Variants in SIPA1L1 observed in about 807,000 individuals in gnomAD.
SIPA1L1 encodes signal-induced proliferation-associated 1-like protein 1.
SIPA1L1 carries 26 observed loss-of-function variants against 162.7 expected under a neutral mutation model. The ratio of observed to expected loss-of-function variants is 0.16; its 90% CI spans 0.12 to 0.22. SIPA1L1 has a LOEUF of 0.22. Ranked by LOEUF, SIPA1L1 falls within the 10% of genes least tolerant of loss-of-function variation. The probability of loss-of-function intolerance (pLI) is 1.00; values close to 1 mark genes in which losing one functional copy is unlikely to be tolerated. For synonymous variants in SIPA1L1, 829 were observed against 837.4 expected (o/e 0.99, Z 0.17); for missense variants, 1,874 against 2,241.0 (o/e 0.84, Z 3.31).
intron 4 of SIPA1L1, among the ~76,000 whole-genome samples, chr14:71,544,023 G>C (rs556708018): frequency 2.8e-5 from 4 of 143,118 alleles, no homozygotes; most frequent in African/African-American, 1.0e-4. Flanking sequence ...ATACACATAC[G>C]CACATGTATG....
intron 2 of SIPA1L1, among the ~76,000 whole-genome samples, chr14:71,500,446 T>TATACTGGTATTCTTACTGG (rs2050117391): frequency 6.6e-6 from 1 of 152,208 alleles, no homozygotes; most frequent in African/African-American, 2.4e-5. Context: ...AGTTGTATTA[T>TATACTGGTATTCTTACTGG]TATATTCTTA....
rs58225838 is a variant in SIPA1L1, at chr14:71,495,903, AAAAAAAAAAAG to A, written c.-464-16837_-464-16827del. Among the ~76,000 whole-genome samples, 94 of 147,016 alleles carry A rather than the reference AAAAAAAAAAAG, an allele frequency of 6.4e-4. 1 individual carries two copies. Among genetic ancestry groups the A allele is most frequent in the African/African-American group, 2.0e-3 (81 of 40,808 alleles). On this transcript the variant is annotated intron_variant, in intron 2 of 23. Transcript: ENST00000381232. ...CATCTCTACAAAAAAAAAAAAAAAA[AAAAAAAAAAAG>A]AAGAAGAAAGAAAAAAAGAATCAGT...
chr14:71,379,835 C>G (rs183587506), intron 2 of SIPA1L1, among the ~76,000 whole-genome samples: 210 of 152,320 alleles, frequency 1.4e-3, no homozygotes, highest in African/African-American at 4.8e-3. Flanking sequence ...AGACATTGAG[C>G]AGTATTTTAT....
intron 13 of SIPA1L1, among the ~76,000 whole-genome samples, chr14:71,689,935 C>T (rs1031178826): frequency 6.6e-6 from 1 of 152,184 alleles, no homozygotes; most frequent in Non-Finnish European, 1.5e-5. Flanking sequence ...GCATAATAGT[C>T]ACGTGACCAT....
intron 17 of SIPA1L1, among the ~76,000 whole-genome samples, chr14:71,723,128 G>A (rs866209341): frequency 3.3e-5 from 5 of 152,224 alleles, no homozygotes; most frequent in African/African-American, 1.2e-4. Context: ...AGAGCCAATA[G>A]GAATGCCAGC....
chr14:71,700,553 T>G (rs1238133928), intron 14 of SIPA1L1, among the ~76,000 whole-genome samples: 2 of 152,220 alleles, frequency 1.3e-5, no homozygotes, highest in Non-Finnish European at 2.9e-5. Context: ...AAATGACCAC[T>G]TTAACCAATT....
chr14:71,444,877 A>T (rs750099335), intron 2 of SIPA1L1, among the ~76,000 whole-genome samples: 3 of 152,204 alleles, frequency 2.0e-5, no homozygotes, highest in Non-Finnish European at 2.9e-5. Context: ...GCTCTTTGCC[A>T]CTAAAGCCTG....
chr14:71,362,188 T>C (rs1250915322), intron 2 of SIPA1L1, among the ~76,000 whole-genome samples: 1 of 152,216 alleles, frequency 6.6e-6, no homozygotes. Context: ...TTGCTGTTTT[T>C]TTAGAAATCA....
At chr14:71,613,980 T>TCAC (rs1172815118) in intron 5 of SIPA1L1, among the ~76,000 whole-genome samples, 1 of 151,978 alleles carries the variant, frequency 6.6e-6, no homozygotes, top group African/African-American at 2.4e-5. Context: ...GGTGGGAAGA[T>TCAC]CACCTGAGGT....
At chr14:71,593,055 A>G (rs1393091690) in intron 5 of SIPA1L1, among the ~76,000 whole-genome samples, 1 of 152,214 alleles carries the variant, frequency 6.6e-6, no homozygotes, top group African/African-American at 2.4e-5. Context: ...TTGGACATTA[A>G]GGTGGATCTG....
At chr14:71,523,820 A>C (rs988330150) in intron 3 of SIPA1L1, among the ~76,000 whole-genome samples, 1 of 152,086 alleles carries the variant, frequency 6.6e-6, no homozygotes, top group African/African-American at 2.4e-5. Context: ...TAATCCTTTA[A>C]ATTGTTCCAG....
intron 2 of SIPA1L1, among the ~76,000 whole-genome samples, chr14:71,428,409 A>G (rs1247243617): frequency 6.9e-6 from 1 of 145,682 alleles, no homozygotes. Flanking sequence ...TTTTATTTTT[A>G]TTTTTATTGT....
chr14:71,614,921 A>G (rs1481400712), intron 5 of SIPA1L1, among the ~76,000 whole-genome samples: 1 of 152,180 alleles, frequency 6.6e-6, no homozygotes, highest in Non-Finnish European at 1.5e-5. Context: ...TTTTTAGTTT[A>G]TAAATTTATA....
rs761389273 is a variant in SIPA1L1 at position 71,671,455 on chromosome 14, G to T, written c.2592G>T (p.Arg864=). Residue 864 remains arginine (R), a synonymous_variant, in exon 11 of 24, where the codon CGG becomes CGT. Coordinates refer to ENST00000381232, the MANE Select transcript of SIPA1L1 (RefSeq NM_001386936.1). ...SSMGAIVWAV[R]AEDYNKAMEL... ...TGGGGGCCATTGTATGGGCAGTCCG[G>T]GCTGAAGACTACAACAAGGCCATGG... 1.9e-6 allele frequency: 3 copies of T among 1,614,116 alleles called. No individual in the cohort carries two copies. Among genetic ancestry groups the T allele is most frequent in the East Asian group, 4.5e-5 (2 of 44,880 alleles).
chr14:71,531,611 C>T (rs931974292), intron 4 of SIPA1L1, among the ~76,000 whole-genome samples: 1 of 152,014 alleles, frequency 6.6e-6, no homozygotes, highest in African/African-American at 2.4e-5. Context: ...GTTGCCCAGG[C>T]GGGAGTACAG....
chr14:71,564,851 A>G (rs1462708768), intron 4 of SIPA1L1, among the ~76,000 whole-genome samples: 1 of 152,086 alleles, frequency 6.6e-6, no homozygotes, highest in Non-Finnish European at 1.5e-5. Context: ...CTGTCAACTT[A>G]ATAGTAAAAT....
At chr14:71,541,110 C>T (rs1490120641) in intron 4 of SIPA1L1, among the ~76,000 whole-genome samples, 1 of 151,584 alleles carries the variant, frequency 6.6e-6, no homozygotes, top group Non-Finnish European at 1.5e-5. Context: ...GAGCGAAACT[C>T]CATCTTTAAA....
At chr14:71,434,825 C>G (rs1307804895) in intron 2 of SIPA1L1, among the ~76,000 whole-genome samples, 1 of 152,204 alleles carries the variant, frequency 6.6e-6, no homozygotes, top group Admixed American at 6.5e-5. Flanking sequence ...AAGTGATCCT[C>G]CCACCTTGGC....
chr14:71,586,246 A>C (rs1322901917), intron 4 of SIPA1L1: 1 of 150,250 alleles, frequency 6.7e-6, no homozygotes, highest in Non-Finnish European at 1.5e-5. Context: ...TTTTTTTTGA[A>C]ACACCCCTAC....
Sources: allele counts gnomAD v4.1 joint callset (sites outside exome capture counted in the v4.1 genomes callset), GRCh38; gene constraint gnomAD v4.1.1; transcripts MANE v1.5; gene names NCBI Gene and HGNC (gene_info 2026-07-23, HGNC 2026-07-21).